VCP: variants seen among roughly 807,000 people sequenced by gnomAD.
VCP encodes valosin containing protein, also known as transitional endoplasmic reticulum ATPase.
A neutral mutation model predicts 85.7 loss-of-function variants in VCP; 6 were observed. The ratio of observed to expected loss-of-function variants is 0.07; its 90% CI spans 0.04 to 0.14. The LOEUF (loss-of-function observed/expected upper bound fraction) is 0.14, where lower values mean the gene tolerates loss of function less well. VCP is among the 10% of genes least tolerant of loss of function. The pLI, the probability that VCP is intolerant of heterozygous loss-of-function variation, is 1.00. For synonymous variants in VCP, 384 were observed against 367.1 expected (o/e 1.05, Z -0.53); for missense variants, 353 against 1,043.4 (o/e 0.34, Z 9.12).
At chr9:35,060,570 G>T in intron 12 of VCP, 45 bp from the exon 13 acceptor site, 5 of 1,594,006 alleles carry the variant, frequency 3.1e-6, no homozygotes, top group Non-Finnish European at 4.3e-6. Flanking sequence ...TCCACATTTT[G>T]AAAGAAACCT....
intron 4 of VCP, among the ~76,000 whole-genome samples, chr9:35,065,882 T>C (rs1162381559): frequency 4.6e-5 from 7 of 151,896 alleles, no homozygotes; most frequent in African/African-American, 1.7e-4. Flanking sequence ...TGAAAATGAG[T>C]CTAGCGGCCG....
chr9:35,071,971 G>A (rs766357065), intron 1 of VCP: 52 of 1,081,076 alleles, frequency 4.8e-5, no homozygotes, highest in Non-Finnish European at 5.1e-5. Flanking sequence ...AGGCCGGACG[G>A]CAGACTGGCG....
chr9:35,066,575 A>G lies in VCP; in HGVS notation c.445+100T>C, dbSNP rs1217527474. Reference sequence around the variant, plus strand: ...TAAATAAATACAGGGGAAAAGCATAAAAGATTTAAAAAAAAAAAAAGAAAA... The same window carrying G: ...TAAATAAATACAGGGGAAAAGCATAGAAGATTTAAAAAAAAAAAAAGAAAA... On this transcript the variant is annotated intron_variant, in intron 4 of 16. Coordinates refer to ENST00000358901, the MANE Select transcript of VCP (RefSeq NM_007126.5). The G allele has an allele frequency of 2.7e-5, 38 of 1,422,332 alleles. 1 individual carries two copies. The South Asian group carries it at 4.1e-4, about 15-fold the overall frequency. The allele number at this position is 1,422,332 out of a possible 1,614,324, so 88.1% of individuals were successfully genotyped here.
At chr9:35,061,375 A>G (rs941237531) in intron 10 of VCP, among the ~76,000 whole-genome samples, 196 bp from the exon 11 acceptor site, 19 of 152,228 alleles carry the variant, frequency 1.2e-4, no homozygotes, top group African/African-American at 3.9e-4. Flanking sequence ...GGCTGCTCCA[A>G]CAATTCTGAT....
chr9:35,059,965 T>A lies in VCP; in HGVS notation c.1696-164A>T. 1.1e-6 allele frequency: 1 copy of A among 878,968 alleles called. No individual in the cohort carries two copies. Among genetic ancestry groups the A allele is most frequent in the Non-Finnish European group, 1.7e-6 (1 of 578,436 alleles). 54.4% of individuals were successfully genotyped at this position (878,968 alleles called of 1,614,324 possible). A position where few individuals can be genotyped will look rare whatever the true frequency, so the allele number is the denominator to read the frequency against. On this transcript the variant is annotated intron_variant, in intron 13 of 16. Coordinates refer to ENST00000358901, the MANE Select transcript of VCP (RefSeq NM_007126.5). The surrounding 1 kb of genome is among the most constrained non-coding windows in gnomAD (Gnocchi z 4.9). Reference sequence around the variant, plus strand: ...ATGGGCAACATACTGAGACTTTGTCTCTACAAAAAATAAAAAATTAGCCAG... The same window carrying A: ...ATGGGCAACATACTGAGACTTTGTCACTACAAAAAATAAAAAATTAGCCAG...
chr9:35,061,676 C>T lies in VCP; in HGVS notation c.1095G>A (p.Arg365=). 6.3e-7 allele frequency: 1 copy of T among 1,594,566 alleles called. No individual in the cohort carries two copies. Reference sequence around the variant, plus strand: ...CATCAGGAATTCCAATATCTACCTCCCTGTCAAAGCGACCTGTGGGACAGT... The same window carrying T: ...CATCAGGAATTCCAATATCTACCTCTCTGTCAAAGCGACCTGTGGGACAGT... ...PALRRFGRFD[R]EVDIGIPDAT... is the part of the protein sequence containing the mutation. Residue 365 remains arginine, a synonymous_variant, in exon 10 of 17, where the codon AGG becomes AGA. Transcript: ENST00000358901.
At chr9:35,071,293 G>GTTTTTT (rs869178164) in intron 1 of VCP, among the ~76,000 whole-genome samples, 11 of 69,118 alleles carry the variant, frequency 1.6e-4, no homozygotes, top group South Asian at 7.2e-4. Flanking sequence ...GGCTGGCTGT[G>GTTTTTT]TTTTTTTTTT....
rs772930867 is a variant in VCP at position 35,065,293 on chromosome 9, T to C, written c.534A>G (p.Pro178=). 2.5e-6 allele frequency: 4 copies of C among 1,614,226 alleles called. No individual in the cohort carries two copies. The highest frequency in any genetic ancestry group is 1.1e-5 in the South Asian group (1 of 91,090). Residue 178 remains proline (P), a synonymous_variant, in exon 5 of 17, where the codon CCA becomes CCG. Transcript: ENST00000358901. ...CCCCTTCGCAGTGGATCACTGTGTC[T>C]GGAGCAACAATGCAATAAGGGCTAG... is the stretch of plus-strand genomic sequence containing the variant. ...TDPSPYCIVA[P]DTVIHCEGEP...
intron 1 of VCP, chr9:35,071,637 T>C (rs1828947413): frequency 1.1e-5 from 10 of 904,558 alleles, no homozygotes; most frequent in Admixed American, 6.2e-5. Context: ...TAAGGAAAAC[T>C]GGCTCAAACT....
At chr9:35,060,224 T>A in intron 13 of VCP, 89 bp downstream of exon 13, 1 of 1,357,786 alleles carries the variant, frequency 7.4e-7, no homozygotes. Flanking sequence ...CAGCCAGCAC[T>A]AAGAATATTT....
At chr9:35,066,882 A>C in intron 3 of VCP, 65 bp from the exon 4 acceptor site, 1 of 1,612,266 alleles carries the variant, frequency 6.2e-7, no homozygotes, top group Non-Finnish European at 8.5e-7. Flanking sequence ...GGGTGTCCAA[A>C]AGGGCCTGGC....
chr9:35,064,558 C>T (rs1007793653), intron 5 of VCP, among the ~76,000 whole-genome samples: 17 of 152,192 alleles, frequency 1.1e-4, no homozygotes, highest in African/African-American at 3.6e-4. Context: ...TAAAGGGATC[C>T]GGCCTCAAAG....
intron 15 of VCP, among the ~76,000 whole-genome samples, chr9:35,058,003 C>T (rs1439666864): frequency 6.6e-6 from 1 of 152,212 alleles, no homozygotes; most frequent in Non-Finnish European, 1.5e-5. Context: ...ACCTAGCGGT[C>T]TCACTTCCAG....
At chr9:35,070,949 GCAATCCTCCATTGTCTTCTGTATAAGT>G (rs1310461483) in intron 1 of VCP, among the ~76,000 whole-genome samples, 3 of 152,126 alleles carry the variant, frequency 2.0e-5, no homozygotes, top group Non-Finnish European at 4.4e-5. Context: ...ACTCTTTGGG[GCAATCCTCCATTGTCTTCTGTATAAGT>G]CAATCCCTTT....
In VCP at chr9:35,066,790, G is replaced by A. The variant is rs1259531489; in HGVS notation, c.330C>T (p.Tyr110=). ...ISIQPCPDVK[Y]GKRIHVLPID... is the part of the protein sequence containing the mutation. The stretch of plus-strand genomic sequence containing the variant: ...TGGGCAGCACATGGATACGTTTGCC[G>A]TACTTCACATCAGGGCATGGCTGGA... The change falls in exon 4 of 17, where the codon TAC becomes TAT. Residue 110 remains tyrosine (Y), a synonymous_variant. Transcript: ENST00000358901. 8.1e-6 allele frequency: 13 copies of A among 1,614,006 alleles called. No individual in the cohort carries two copies. Among genetic ancestry groups the A allele is most frequent in the African/African-American group, 4.0e-5 (3 of 74,904 alleles).
rs768327051 is a variant in VCP, at chr9:35,060,797, C to T, written c.1482+4G>A. 21 of 1,614,042 alleles carry T rather than the reference C, an allele frequency of 1.3e-5. No homozygotes were observed. In the African/African-American group the frequency reaches 2.4e-4, roughly 18 times the overall value. ...GTGACTCACCCTGGACCAAGTTGCC[C>T]TACCTGGACCAGCTCCTGTAGCTCA... On this transcript the variant is annotated splice_donor_region_variant and intron_variant, in intron 12 of 16. Transcript: ENST00000358901.
intron 4 of VCP, among the ~76,000 whole-genome samples, chr9:35,066,264 CTTT>C (rs34301260): frequency 1.4e-4 from 18 of 132,802 alleles, no homozygotes; most frequent in Admixed American, 3.8e-4. Flanking sequence ...GACCCTGTCT[CTTT>C]TTTTTTTTTT....
chr9:35,067,730 A>G (rs925879322), intron 3 of VCP, among the ~76,000 whole-genome samples, 161 bp downstream of exon 3: 3 of 152,070 alleles, frequency 2.0e-5, no homozygotes, highest in African/African-American at 7.2e-5. Context: ...CAGAACCAAA[A>G]CCTAAAGACA....
intron 5 of VCP, among the ~76,000 whole-genome samples, chr9:35,064,943 C>T (rs1374599828): frequency 2.0e-5 from 3 of 152,222 alleles, no homozygotes; most frequent in Non-Finnish European, 4.4e-5. Flanking sequence ...TCTCAGCTCA[C>T]TGCAACCTCC....
Sources: gnomAD v4.1 joint callset for allele counts (sites outside exome capture counted in the v4.1 genomes callset) on GRCh38, gnomAD v4.1.1 for gene constraint, Gnocchi (gnomAD v3.1) non-coding constraint, MANE v1.5 for transcripts, NCBI Gene and HGNC (gene_info 2026-07-23, HGNC 2026-07-21) for gene names.